Variants in VPS13B observed in about 807,000 individuals in gnomAD.
The protein encoded by VPS13B is intermembrane lipid transfer protein VPS13B.
Under a neutral mutation model 426.4 loss-of-function variants are expected in VPS13B, and 285 were observed. The observed-to-expected ratio is 0.67, with a 90% CI of 0.61 to 0.74. VPS13B has a LOEUF of 0.74. VPS13B is among the 30% of genes least tolerant of loss of function. VPS13B has a pLI of 0.00. For synonymous variants in VPS13B, 1,676 were observed against 1,676.4 expected, an observed-to-expected ratio of 1.00 and a Z score of 0.01; for missense variants, 4,537 against 4,782.6, an observed-to-expected ratio of 0.95 and a Z score of 1.51.
chr8:99,096,093 G>T (rs1256101615), intron 3 of VPS13B, among the ~76,000 whole-genome samples: 1 of 152,142 alleles, frequency 6.6e-6, no homozygotes, highest in Non-Finnish European at 1.5e-5. Context: ...AAAGAAAGAA[G>T]AATTTATAGT....
intron 17 of VPS13B, among the ~76,000 whole-genome samples, chr8:99,197,539 T>C (rs1210873301): frequency 6.6e-6 from 1 of 152,212 alleles, no homozygotes; most frequent in Non-Finnish European, 1.5e-5. Flanking sequence ...TAAATGTGTC[T>C]GGGAATTTAT....
intron 30 of VPS13B, among the ~76,000 whole-genome samples, chr8:99,521,733 G>A (rs558463758): frequency 5.9e-5 from 9 of 152,172 alleles, no homozygotes; most frequent in Admixed American, 2.0e-4. Flanking sequence ...TTCAGATGTT[G>A]TAGTCTCACT....
At chr8:99,662,569 C>T (rs1477790565) in intron 35 of VPS13B, among the ~76,000 whole-genome samples, 1 of 152,172 alleles carries the variant, frequency 6.6e-6, no homozygotes, top group Non-Finnish European at 1.5e-5. Context: ...GCTTCAGCCT[C>T]CCAAGTAGCT....
At position 99,247,461 on chromosome 8, in the gene VPS13B, G is replaced by A. The variant is rs1817284041; in HGVS notation, c.2516-26737G>A. Among the ~76,000 whole-genome samples the A allele has an allele frequency of 2.0e-5, 3 of 152,242 alleles. No individual in the cohort carries two copies. The South Asian group carries it at 6.2e-4, about 32-fold the overall frequency. The stretch of plus-strand genomic sequence containing the variant: ...TGTCTTGAAAATATCTCAGTGGTCT[G>A]TCAGATATGAGGTTGATCCAATTTT... On this transcript the variant is annotated intron_variant, in intron 17 of 61. Coordinates refer to ENST00000357162, the MANE Select transcript of VPS13B (RefSeq NM_152564.5).
chr8:99,504,686 A>G lies in VPS13B; in HGVS notation c.4157+1736A>G, dbSNP rs372363629. Among the ~76,000 whole-genome samples the G allele has an allele frequency of 2.6e-5, 4 of 152,188 alleles. No homozygotes were observed. In the South Asian group the frequency reaches 6.2e-4, roughly 24 times the overall value. On this transcript the variant is annotated intron_variant, in intron 27 of 61. Transcript: ENST00000357162. ...CATCCAAGCTTAGTTGTTCCCATGT[A>G]TAGAGCACAGGAGAAGAGTAGATTT...
chr8:99,592,014 G>T (rs1001849645), intron 33 of VPS13B, among the ~76,000 whole-genome samples: 1 of 151,830 alleles, frequency 6.6e-6, no homozygotes, highest in Non-Finnish European at 1.5e-5. Flanking sequence ...GTCTTTTCAC[G>T]TAGTCCCATA....
intron 8 of VPS13B, among the ~76,000 whole-genome samples, chr8:99,128,952 A>AT: frequency 6.6e-6 from 1 of 152,286 alleles, no homozygotes; most frequent in South Asian, 2.1e-4. Flanking sequence ...AGCCTGGCCA[A>AT]TATGGTGAAA....
Position 99,335,104 on chromosome 8 carries a change from G to A in VPS13B, c.2825-49104G>A, listed in dbSNP as rs1333872819. Among the ~76,000 whole-genome samples the A allele has an allele frequency of 3.3e-5, 5 of 152,214 alleles. No individual in the cohort carries two copies. In the South Asian group the frequency reaches 6.2e-4, roughly 19 times the overall value. On this transcript the variant is annotated intron_variant, in intron 19 of 61. Coordinates refer to ENST00000357162, the MANE Select transcript of VPS13B (RefSeq NM_152564.5). ...GTCTTGGGAGGGTGCATGTGTTGAGGAATTTATCCATTTCTTCTAGATTTT... is the reference window on the plus strand; with the variant it reads ...GTCTTGGGAGGGTGCATGTGTTGAGAAATTTATCCATTTCTTCTAGATTTT...
intron 35 of VPS13B, among the ~76,000 whole-genome samples, chr8:99,692,684 A>C (rs2130101457): frequency 7.3e-6 from 1 of 136,994 alleles, no homozygotes; most frequent in Non-Finnish European, 1.5e-5. Flanking sequence ...GGCAAGAAAT[A>C]ACTAAAATCA....
At chr8:99,370,404 T>C (rs867732636) in intron 19 of VPS13B, among the ~76,000 whole-genome samples, 5 of 151,936 alleles carry the variant, frequency 3.3e-5, no homozygotes, top group Middle Eastern at 6.8e-3. Flanking sequence ...GTAGCTGGAG[T>C]ATGGTCAACA....
intron 39 of VPS13B, among the ~76,000 whole-genome samples, chr8:99,744,376 T>G (rs1191506171): frequency 6.6e-6 from 1 of 152,222 alleles, no homozygotes; most frequent in Non-Finnish European, 1.5e-5. Context: ...TTGGTGGGAC[T>G]GTAAACTAGT....
At chr8:99,130,637 A>G (rs901817666) in intron 8 of VPS13B, among the ~76,000 whole-genome samples, 4 of 151,872 alleles carry the variant, frequency 2.6e-5, no homozygotes, top group African/African-American at 9.7e-5. Context: ...TGATCCGCCC[A>G]CCTCGGCCTC....
At chr8:99,744,853 G>A (rs1321368000) in intron 39 of VPS13B, among the ~76,000 whole-genome samples, 1 of 152,040 alleles carries the variant, frequency 6.6e-6, no homozygotes, top group African/African-American at 2.4e-5. Context: ...ATAGCATTAG[G>A]AGATACACCC....
intron 23 of VPS13B, among the ~76,000 whole-genome samples, chr8:99,455,746 T>G (rs1361799165): frequency 6.6e-6 from 1 of 152,192 alleles, no homozygotes; most frequent in Non-Finnish European, 1.5e-5. Flanking sequence ...GCATCTGGCT[T>G]CTTTCACTTG....
At chr8:99,638,048 G>C (rs1350645808) in intron 33 of VPS13B, among the ~76,000 whole-genome samples, 1 of 151,812 alleles carries the variant, frequency 6.6e-6, no homozygotes, top group African/African-American at 2.4e-5. Flanking sequence ...ATTCCTAGTT[G>C]GTAATATATT....
At chr8:99,314,556 T>C (rs1400552825) in intron 19 of VPS13B, among the ~76,000 whole-genome samples, 1 of 152,194 alleles carries the variant, frequency 6.6e-6, no homozygotes, top group Non-Finnish European at 1.5e-5. Flanking sequence ...GGAGTGATTG[T>C]CCTCCTACCT....
intron 16 of VPS13B, among the ~76,000 whole-genome samples, chr8:99,191,376 CTTTTTTTTTTTTTTT>C (rs35215814): frequency 1.4e-5 from 1 of 70,922 alleles, no homozygotes; most frequent in Non-Finnish European, 2.6e-5. Flanking sequence ...CTCTCTCTCT[CTTTTTTTTTTTTTTT>C]TTTTTTTTTT....
At chr8:99,532,538 AG>A (rs893592889) in intron 30 of VPS13B, among the ~76,000 whole-genome samples, 5 of 152,112 alleles carry the variant, frequency 3.3e-5, no homozygotes, top group African/African-American at 9.7e-5. Flanking sequence ...GACATGTGTT[AG>A]TAAAATTCTT....
At chr8:99,323,171 A>G (rs1810069596) in intron 19 of VPS13B, among the ~76,000 whole-genome samples, 3 of 152,222 alleles carry the variant, frequency 2.0e-5, no homozygotes, top group African/African-American at 7.2e-5. Flanking sequence ...TCACTGATGT[A>G]TACACAACAA....
Sources: allele counts gnomAD v4.1 joint callset (sites outside exome capture counted in the v4.1 genomes callset), GRCh38; gene constraint gnomAD v4.1.1; transcripts MANE v1.5; gene names NCBI Gene and HGNC (gene_info 2026-07-23, HGNC 2026-07-21).